The following KCNQ1 variants were observed in gnomAD, a reference collection of about 807,000 sequenced individuals.
KCNQ1 encodes potassium voltage-gated channel subfamily KQT member 1.
Under a neutral mutation model 72.4 loss-of-function variants are expected in KCNQ1, and 49 were observed. The ratio of observed to expected loss-of-function variants is 0.68; its 90% CI spans 0.54 to 0.86. KCNQ1 has a LOEUF of 0.86. KCNQ1 is among the 40% of genes least tolerant of loss of function. The pLI is 0.00. For missense variants in KCNQ1, 790 were observed against 945.1 expected (o/e 0.84, Z 2.15); for synonymous variants, 450 against 412.6 (o/e 1.09, Z -1.10).
intron 11 of KCNQ1, among the ~76,000 whole-genome samples, chr11:2,756,981 A>AAAAAAAAAAAAAAAAAAC (rs58902386): frequency 2.6e-5 from 3 of 115,176 alleles, no homozygotes; most frequent in Admixed American, 1.0e-4. Flanking sequence ...AAAAAAAAAA[A>AAAAAAAAAAAAAAAAAAC]CCCACAGCTA....
rs760047145 is a variant in KCNQ1, at chr11:2,572,923, C to A, written c.858C>A (p.Asp286Glu). 2.5e-6 allele frequency: 4 copies of A among 1,613,706 alleles called. No homozygotes were observed. The highest frequency in any genetic ancestry group is 3.4e-6 in the Non-Finnish European group (4 of 1,180,028). The change falls in exon 6 of 16, where the codon GAC becomes GAA. Residue 286 changes from aspartate (D) to glutamate (E), a missense_variant. Asp to Glu is a conservative substitution (Grantham distance 45). Transcript: ENST00000155840. The part of the protein sequence containing the change: ...SSYFVYLAEK[D>E]AVNESGRVEF... ...ACTTTGTGTACCTGGCTGAGAAGGA[C>A]GCGGTGAACGAGTCAGGCCGCGTGG...
chr11:2,833,003 G>T (rs532315869), intron 15 of KCNQ1, among the ~76,000 whole-genome samples: 65 of 152,308 alleles, frequency 4.3e-4, no homozygotes, highest in African/African-American at 1.5e-3. Context: ...AGACAGATGT[G>T]GGCAATGCAG....
At chr11:2,666,578 G>A in intron 11 of KCNQ1, 1 of 398,684 alleles carries the variant, frequency 2.5e-6, no homozygotes, top group East Asian at 3.6e-5. Context: ...GCAAGGACAG[G>A]GCCAGTCTGT....
intron 7 of KCNQ1, among the ~76,000 whole-genome samples, chr11:2,584,679 G>A (rs1231519486): frequency 6.6e-6 from 1 of 151,572 alleles, no homozygotes; most frequent in African/African-American, 2.4e-5. Flanking sequence ...GTTAGTGTTT[G>A]TGTGTGTGTC....
intron 11 of KCNQ1, chr11:2,699,259 C>T (rs988674271): frequency 1.0e-5 from 4 of 398,690 alleles, no homozygotes; most frequent in African/African-American, 6.2e-5. Flanking sequence ...CAGATGGGAG[C>T]GCACTGCCCA....
chr11:2,584,712 T>C (rs2133753720), intron 7 of KCNQ1, among the ~76,000 whole-genome samples: 1 of 150,806 alleles, frequency 6.6e-6, no homozygotes, highest in East Asian at 2.0e-4. Flanking sequence ...TTAGTGTGCA[T>C]ATCTATTGTG....
intron 12 of KCNQ1, chr11:2,771,476 G>A (rs1846598455): frequency 6.6e-6 from 1 of 152,222 alleles, no homozygotes. Flanking sequence ...TAAGTTTGAT[G>A]TGGCTGAACC....
Position 2,486,955 on chromosome 11 carries a change from C to T in KCNQ1, c.387-40973C>T, listed in dbSNP as rs573933889. ...ATATCCAAGAAATCATAGCCAAATC[C>T]AATGTCATGAAGCTTTTGCCCTATG... On this transcript the variant is annotated intron_variant, in intron 1 of 15. Coordinates refer to ENST00000155840, the MANE Select transcript of KCNQ1 (RefSeq NM_000218.3). This position sits in a 1 kb window ranked among gnomAD's most constrained non-coding sequence, Gnocchi z 5.0. 1.8e-3 allele frequency among the ~76,000 whole-genome samples: 270 copies of T among 152,258 alleles called. No homozygotes were observed. The highest frequency in any genetic ancestry group is 5.0e-3 in the African/African-American group (208 of 41,520).
chr11:2,747,807 G>T (rs1846163659), intron 11 of KCNQ1, among the ~76,000 whole-genome samples: 1 of 152,080 alleles, frequency 6.6e-6, no homozygotes, highest in Admixed American at 6.5e-5. Context: ...AGAAGGAGGT[G>T]GTGGGAAGAG....
intron 11 of KCNQ1, among the ~76,000 whole-genome samples, chr11:2,740,489 G>A (rs1846034065): frequency 6.6e-6 from 1 of 152,146 alleles, no homozygotes; most frequent in African/African-American, 2.4e-5. Context: ...GACAGCGCAC[G>A]CGGGCTTTGA....
intron 11 of KCNQ1, among the ~76,000 whole-genome samples, chr11:2,753,718 C>G (rs2133965692): frequency 6.6e-6 from 1 of 152,344 alleles, no homozygotes; most frequent in African/African-American, 2.4e-5. Context: ...ATGGGGATGG[C>G]TTGTGACTGC....
chr11:2,624,183 C>G lies in KCNQ1; in HGVS notation c.1393+35329C>G. On this transcript the variant is annotated intron_variant, in intron 10 of 15. Transcript: ENST00000155840. The surrounding 1 kb of genome is among the most constrained non-coding windows in gnomAD (Gnocchi z 4.9). ...CCTAATGACGTAAGATGTGGGGCAT[C>G]TTTTCATATACTTAGTTGCCATCTG... 5.0e-6 allele frequency: 2 copies of G among 398,558 alleles called. No individual in the cohort carries two copies. The highest frequency in any genetic ancestry group is 8.8e-6 in the Non-Finnish European group (2 of 226,054). 24.7% of individuals were successfully genotyped at this position (398,558 alleles called of 1,614,324 possible).
At position 2,734,181 on chromosome 11, in the gene KCNQ1, C is replaced by T. The variant is rs944345424; in HGVS notation, c.1515-34663C>T. On this transcript the variant is annotated intron_variant, in intron 11 of 15. Transcript: ENST00000155840. The surrounding 1 kb of genome is among the most constrained non-coding windows in gnomAD (Gnocchi z 7.0). The stretch of plus-strand genomic sequence containing the variant: ...GTGTGTGTGAGAGGTGCATGGTGGA[C>T]GTCCAAAGAATAAACGAATGAACCA... Among the ~76,000 whole-genome samples, 4 of 152,086 alleles carry T rather than the reference C, an allele frequency of 2.6e-5. No individual in the cohort carries two copies. The highest frequency in any genetic ancestry group is 2.1e-4 in the South Asian group (1 of 4,834).
rs1345327429 is a variant in KCNQ1 at position 2,495,769 on chromosome 11, T to C, written c.387-32159T>C. Among the ~76,000 whole-genome samples, 2 of 152,208 alleles carry C rather than the reference T, an allele frequency of 1.3e-5. No homozygotes were observed. Among genetic ancestry groups the C allele is most frequent in the African/African-American group, 4.8e-5 (2 of 41,442 alleles). Reference sequence around the variant, plus strand: ...GTTTTACTTCCAGTTATGTGGTCAATTTTAGAATAAGTGCTATGTGATGCT... The same window carrying C: ...GTTTTACTTCCAGTTATGTGGTCAACTTTAGAATAAGTGCTATGTGATGCT... On this transcript the variant is annotated intron_variant, in intron 1 of 15. Transcript: ENST00000155840. This position sits in a 1 kb window ranked among gnomAD's most constrained non-coding sequence, Gnocchi z 4.6.
chr11:2,638,495 T>C (rs2133825648), intron 10 of KCNQ1: 2 of 152,324 alleles, frequency 1.3e-5, no homozygotes, highest in African/African-American at 4.8e-5. Context: ...GAATGTTGAA[T>C]ATTGGCCCCC....
At chr11:2,615,982 T>G in intron 10 of KCNQ1, 1 of 398,206 alleles carries the variant, frequency 2.5e-6, no homozygotes, top group Non-Finnish European at 4.4e-6. Flanking sequence ...TGACGCCATC[T>G]GTGTAGCATT....
Position 2,848,056 on chromosome 11 carries a change from G to A in KCNQ1, c.*53G>A. ...TGAGTGAGAGGGGAGGCCAAGAGTG[G>A]CCCCACCTGGCCCTCTCTGAAGGAG... On this transcript the variant is annotated 3_prime_UTR_variant, in exon 16 of 16. Coordinates refer to ENST00000155840, the MANE Select transcript of KCNQ1 (RefSeq NM_000218.3). 1 of 1,425,378 alleles carries A rather than the reference G, an allele frequency of 7.0e-7. No homozygotes were observed. 88.3% of individuals were successfully genotyped at this position (1,425,378 alleles called of 1,614,324 possible). A position where few individuals can be genotyped will look rare whatever the true frequency, so the allele number is the denominator to read the frequency against.
At chr11:2,575,855 C>T (rs1848415887) in intron 6 of KCNQ1, among the ~76,000 whole-genome samples, 1 of 152,220 alleles carries the variant, frequency 6.6e-6, no homozygotes, top group African/African-American at 2.4e-5. Flanking sequence ...ACTGCTGGGC[C>T]CAGAGCAACA....
intron 8 of KCNQ1, among the ~76,000 whole-genome samples, chr11:2,586,734 A>G (rs1848597513): frequency 6.6e-6 from 1 of 152,068 alleles, no homozygotes; most frequent in African/African-American, 2.4e-5. Flanking sequence ...TGAGGGCTGC[A>G]GGTGCCCCTC....
Sources: gnomAD v4.1 joint callset for allele counts (sites outside exome capture counted in the v4.1 genomes callset) on GRCh38, gnomAD v4.1.1 for gene constraint, Gnocchi (gnomAD v3.1) non-coding constraint, MANE v1.5 for transcripts, NCBI Gene and HGNC (gene_info 2026-07-23, HGNC 2026-07-21) for gene names.